The following RPIA variants were observed in gnomAD, a reference collection of about 807,000 sequenced individuals.
RPIA encodes the protein ribose 5-phosphate isomerase A.
Under a neutral mutation model 37.8 loss-of-function variants are expected in RPIA, and 29 were observed. That is an observed-to-expected ratio of 0.77 (90% CI 0.57 to 1.05). RPIA has a LOEUF of 1.05. Ranked by LOEUF, RPIA falls within the 50% of genes least tolerant of loss-of-function variation. The probability of loss-of-function intolerance (pLI) is 0.00; values close to 1 mark genes in which losing one functional copy is unlikely to be tolerated. For missense variants in RPIA, 385 were observed against 413.6 expected (o/e 0.93, Z 0.60); for synonymous variants, 167 against 157.0 (o/e 1.06, Z -0.48).
chr2:88,706,353 C>T (rs1388825893), intron 3 of RPIA, among the ~76,000 whole-genome samples: 1 of 152,048 alleles, frequency 6.6e-6, no homozygotes, highest in African/African-American at 2.4e-5. Context: ...TACATATGCA[C>T]CATAGAATAC....
Position 88,750,136 on chromosome 2 carries a change from G to A in RPIA, c.*58G>A. The A allele has an allele frequency of 3.3e-6, 4 of 1,204,306 alleles. No individual in the cohort carries two copies. The highest frequency in any genetic ancestry group is 1.2e-5 in the South Asian group (1 of 81,518). 74.6% of individuals were successfully genotyped at this position (1,204,306 alleles called of 1,614,324 possible). A position where few individuals can be genotyped will look rare whatever the true frequency, so the allele number is the denominator to read the frequency against. On this transcript the variant is annotated 3_prime_UTR_variant, in exon 9 of 9. Coordinates refer to ENST00000283646, the MANE Select transcript of RPIA (RefSeq NM_144563.3). ...TCTCCAGCCCACAGCCAAGGTGGAC[G>A]TACCTCTCCAGGAGCCTTTGCCTTA...
At chr2:88,740,271 A>G (rs1270337471) in intron 8 of RPIA, among the ~76,000 whole-genome samples, 1 of 152,134 alleles carries the variant, frequency 6.6e-6, no homozygotes, top group Non-Finnish European at 1.5e-5. Context: ...AATTTCCCTC[A>G]TATGTGATTC....
intron 1 of RPIA, among the ~76,000 whole-genome samples, chr2:88,696,488 TTG>T (rs1241023762): frequency 1.3e-5 from 2 of 150,518 alleles, no homozygotes; most frequent in East Asian, 3.9e-4. Flanking sequence ...GAAGATGAGT[TTG>T]TGTGTGTGTG....
At chr2:88,699,914 C>A (rs1163049509) in intron 2 of RPIA, 95 bp from the exon 3 acceptor site, 2 of 1,328,284 alleles carry the variant, frequency 1.5e-6, no homozygotes, top group Non-Finnish European at 2.2e-6. Context: ...GGGAAATAGA[C>A]CTTCCCTTGT....
intron 3 of RPIA, among the ~76,000 whole-genome samples, chr2:88,712,682 A>G (rs1672974080): frequency 6.6e-6 from 1 of 152,056 alleles, no homozygotes; most frequent in African/African-American, 2.4e-5. Context: ...AAGTGGTGAA[A>G]TCTGTTTTTT....
At chr2:88,741,509 A>G in intron 8 of RPIA, among the ~76,000 whole-genome samples, 1 of 152,172 alleles carries the variant, frequency 6.6e-6, no homozygotes, top group East Asian at 1.9e-4. Flanking sequence ...TATTGTTGAA[A>G]TTGCAAGTTG....
chr2:88,739,685 A>C (rs1304194712), intron 8 of RPIA, among the ~76,000 whole-genome samples: 1 of 152,094 alleles, frequency 6.6e-6, no homozygotes, highest in Non-Finnish European at 1.5e-5. Flanking sequence ...TGGTGTGATC[A>C]TGGTTTACTG....
At chr2:88,726,656 G>T (rs1288648309) in intron 3 of RPIA, among the ~76,000 whole-genome samples, 1 of 152,186 alleles carries the variant, frequency 6.6e-6, no homozygotes, top group African/African-American at 2.4e-5. Flanking sequence ...TAGAGATAAT[G>T]TGCCTTTTAG....
At chr2:88,700,570 C>A (rs1217850460) in intron 3 of RPIA, among the ~76,000 whole-genome samples, 1 of 152,084 alleles carries the variant, frequency 6.6e-6, no homozygotes, top group African/African-American at 2.4e-5. Context: ...GAGGATCTCC[C>A]TTGAGCCCAG....
chr2:88,697,053 CTA>C (rs1672756514), intron 1 of RPIA, among the ~76,000 whole-genome samples: 1 of 152,202 alleles, frequency 6.6e-6, no homozygotes, highest in African/African-American at 2.4e-5. Flanking sequence ...TCACAGAACA[CTA>C]TTAATTTGCA....
rs540729154 is a variant in RPIA at position 88,750,793 on chromosome 2, G to GT, written c.*722dup. On this transcript the variant is annotated 3_prime_UTR_variant, in exon 9 of 9. Transcript: ENST00000283646. ...ACTGCTGTGAAATGTGAAGTACTTTGTTTTTTTATTTTTAATGATTTTCTT... is the reference window on the plus strand; with the variant it reads ...ACTGCTGTGAAATGTGAAGTACTTTGTTTTTTTTATTTTTAATGATTTTCTT... 1.5e-5 allele frequency: 6 copies of GT among 398,310 alleles called. No individual in the cohort carries two copies. The highest frequency in any genetic ancestry group is 2.6e-4 in the South Asian group (2 of 7,842). The allele number at this position is 398,310 out of a possible 1,614,324, so 24.7% of individuals were successfully genotyped here.
intron 3 of RPIA, among the ~76,000 whole-genome samples, chr2:88,713,464 C>T (rs1161167181): frequency 6.6e-6 from 1 of 151,830 alleles, no homozygotes; most frequent in African/African-American, 2.4e-5. Flanking sequence ...AGGTAGATAC[C>T]CTTCTGATTT....
intron 8 of RPIA, among the ~76,000 whole-genome samples, chr2:88,739,648 C>T (rs970922647): frequency 6.6e-6 from 1 of 152,150 alleles, no homozygotes; most frequent in East Asian, 1.9e-4. Context: ...GATAGGGTCT[C>T]GCTCTGTCAC....
At chr2:88,694,124 A>G (rs1420538993) in intron 1 of RPIA, among the ~76,000 whole-genome samples, 1 of 152,246 alleles carries the variant, frequency 6.6e-6, no homozygotes, top group East Asian at 1.9e-4. Context: ...GCCCATTAGA[A>G]TGGGGCCACT....
intron 7 of RPIA, among the ~76,000 whole-genome samples, chr2:88,737,774 C>G (rs2104137316): frequency 6.7e-6 from 1 of 149,246 alleles, no homozygotes; most frequent in East Asian, 1.9e-4. Flanking sequence ...CTCTCTCTCT[C>G]TCTCAAAAAA....
At chr2:88,710,537 C>T (rs1051776086) in intron 3 of RPIA, among the ~76,000 whole-genome samples, 2 of 152,130 alleles carry the variant, frequency 1.3e-5, no homozygotes, top group Non-Finnish European at 2.9e-5. Flanking sequence ...TAGTAACTAT[C>T]CCATTCTTTG....
intron 2 of RPIA, among the ~76,000 whole-genome samples, chr2:88,698,831 C>T (rs986356920): frequency 6.6e-6 from 1 of 152,194 alleles, no homozygotes; most frequent in African/African-American, 2.4e-5. Flanking sequence ...TAATTTTAAT[C>T]ATGTTGATGG....
chr2:88,710,547 G>A (rs940322183), intron 3 of RPIA, among the ~76,000 whole-genome samples: 1 of 152,058 alleles, frequency 6.6e-6, no homozygotes, highest in Non-Finnish European at 1.5e-5. Flanking sequence ...CCCATTCTTT[G>A]TGTTTAATTT....
At chr2:88,737,837 C>A in intron 7 of RPIA, 140 bp from the exon 8 acceptor site, 1 of 674,170 alleles carries the variant, frequency 1.5e-6, no homozygotes, top group Admixed American at 2.1e-5. Flanking sequence ...TGCTTATTAC[C>A]ACTTCACAGC....
Sources: allele counts gnomAD v4.1 joint callset (sites outside exome capture counted in the v4.1 genomes callset), GRCh38; gene constraint gnomAD v4.1.1; transcripts MANE v1.5; gene names NCBI Gene and HGNC (gene_info 2026-07-23, HGNC 2026-07-21).